The following FHIT variants were observed in gnomAD, a reference collection of about 807,000 sequenced individuals.
FHIT encodes fragile histidine triad diadenosine triphosphatase, also known as bis(5'-adenosyl)-triphosphatase.
Under a neutral mutation model 17.9 loss-of-function variants are expected in FHIT, and 19 were observed. The ratio of observed to expected loss-of-function variants is 1.06; its 90% CI spans 0.74 to 1.56. FHIT has a LOEUF of 1.56. FHIT is among the 40% of genes most tolerant of loss of function. The probability of loss-of-function intolerance (pLI) is 0.00; values close to 1 mark genes in which losing one functional copy is unlikely to be tolerated. For synonymous variants in FHIT, 81 were observed against 69.7 expected (o/e 1.16, Z -0.81); for missense variants, 248 against 189.2 (o/e 1.31, Z -1.82).
intron 6 of FHIT, among the ~76,000 whole-genome samples, chr3:60,013,130 G>A (rs1345800064): frequency 6.6e-6 from 1 of 152,208 alleles, no homozygotes; most frequent in African/African-American, 2.4e-5. Flanking sequence ...AAGAAGATGA[G>A]CACTTTTAGT....
At chr3:60,231,710 G>A (rs940829259) in intron 5 of FHIT, among the ~76,000 whole-genome samples, 1 of 152,152 alleles carries the variant, frequency 6.6e-6, no homozygotes, top group African/African-American at 2.4e-5. Flanking sequence ...AAGCTTATCA[G>A]TAAAGTATTA....
At chr3:61,009,012 T>C (rs953437732) in intron 3 of FHIT, among the ~76,000 whole-genome samples, 1 of 152,184 alleles carries the variant, frequency 6.6e-6, no homozygotes, top group Non-Finnish European at 1.5e-5. Context: ...CTCTGCTTTA[T>C]TATCCTGAAA....
intron 5 of FHIT, among the ~76,000 whole-genome samples, chr3:60,432,026 A>G (rs541261749): frequency 2.0e-5 from 3 of 152,220 alleles, no homozygotes; most frequent in South Asian, 2.1e-4. Context: ...CCCAGGCTAG[A>G]GTGCAGTAGC....
At chr3:60,627,981 A>G (rs1305234722) in intron 4 of FHIT, among the ~76,000 whole-genome samples, 3 of 151,922 alleles carry the variant, frequency 2.0e-5, no homozygotes, top group Admixed American at 1.3e-4. Flanking sequence ...TTCTGTTCCA[A>G]CCTTTATTAT....
chr3:60,643,741 A>C (rs1553686001), intron 4 of FHIT, among the ~76,000 whole-genome samples: 1 of 152,344 alleles, frequency 6.6e-6, no homozygotes, highest in South Asian at 2.1e-4. Context: ...GATCAAGGGT[A>C]GTAGTATCTG....
rs76525121 is a variant in FHIT, at chr3:60,047,144, G to T, written c.104-32992C>A. ...ATACTGCCGTAATGTTCCACAAAAC[G>T]TAACAGTCGGTGCACAGCAATACTG... On this transcript the variant is annotated intron_variant, in intron 5 of 9. Coordinates refer to ENST00000492590, the MANE Select transcript of FHIT (RefSeq NM_002012.4). 2.6e-5 allele frequency among the ~76,000 whole-genome samples: 4 copies of T among 152,172 alleles called. No individual in the cohort carries two copies. The East Asian group carries it at 5.8e-4, about 22-fold the overall frequency.
At chr3:60,933,000 C>T (rs190470969) in intron 3 of FHIT, among the ~76,000 whole-genome samples, 165 of 152,122 alleles carry the variant, frequency 1.1e-3, no homozygotes, top group Non-Finnish European at 1.7e-3. Context: ...TAAGTATGCT[C>T]GTGGAGAATT....
intron 5 of FHIT, among the ~76,000 whole-genome samples, chr3:60,214,583 C>G (rs937337148): frequency 2.0e-5 from 3 of 152,258 alleles, no homozygotes; most frequent in South Asian, 2.1e-4. Flanking sequence ...AATTAGTTCA[C>G]TCACTGTGGA....
intron 5 of FHIT, among the ~76,000 whole-genome samples, chr3:60,282,663 G>T (rs1707516188): frequency 6.6e-6 from 1 of 152,136 alleles, no homozygotes; most frequent in African/African-American, 2.4e-5. Flanking sequence ...GACACTTGGT[G>T]GTGGGGCGGG....
At chr3:60,828,657 C>T (rs1702209260) in intron 3 of FHIT, among the ~76,000 whole-genome samples, 1 of 151,884 alleles carries the variant, frequency 6.6e-6, no homozygotes, top group Admixed American at 6.6e-5. Context: ...GTGAGTTGAT[C>T]ACCTGAGGTC....
intron 4 of FHIT, among the ~76,000 whole-genome samples, chr3:60,714,967 G>T (rs561919974): frequency 6.6e-6 from 1 of 151,946 alleles, no homozygotes; most frequent in Non-Finnish European, 1.5e-5. Flanking sequence ...AAAAGAGCCC[G>T]CATCGCCAAG....
chr3:60,807,514 G>A (rs1243882611), intron 4 of FHIT, among the ~76,000 whole-genome samples: 1 of 152,176 alleles, frequency 6.6e-6, no homozygotes, highest in Non-Finnish European at 1.5e-5. Flanking sequence ...CCAGAGCCCG[G>A]GAGGTAGAGG....
intron 5 of FHIT, among the ~76,000 whole-genome samples, chr3:60,103,937 C>T (rs911893670): frequency 1.3e-5 from 2 of 152,140 alleles, no homozygotes; most frequent in African/African-American, 4.8e-5. Context: ...GAAAGCTTAT[C>T]TGCTTTCCCT....
intron 4 of FHIT, among the ~76,000 whole-genome samples, chr3:60,718,169 T>C (rs2041729482): frequency 1.3e-5 from 2 of 151,156 alleles, no homozygotes. Context: ...AAAGGTTTTA[T>C]CTTATGCAAG....
intron 5 of FHIT, among the ~76,000 whole-genome samples, chr3:60,141,121 C>A (rs1198283747): frequency 6.6e-6 from 1 of 152,132 alleles, no homozygotes; most frequent in Non-Finnish European, 1.5e-5. Context: ...CAGTCATCTA[C>A]TGTGCAGCCA....
At chr3:60,066,815 C>G (rs964300677) in intron 5 of FHIT, among the ~76,000 whole-genome samples, 16 of 151,814 alleles carry the variant, frequency 1.1e-4, no homozygotes, top group African/African-American at 3.9e-4. Context: ...CACCACCATG[C>G]CCGGCTAATT....
At chr3:60,423,449 A>G (rs1474819632) in intron 5 of FHIT, among the ~76,000 whole-genome samples, 1 of 152,182 alleles carries the variant, frequency 6.6e-6, no homozygotes, top group East Asian at 1.9e-4. Flanking sequence ...AAGCATGCTT[A>G]TATAATTATC....
chr3:59,800,676 G>A (rs1401117124), intron 8 of FHIT, among the ~76,000 whole-genome samples: 2 of 152,192 alleles, frequency 1.3e-5, no homozygotes, highest in Non-Finnish European at 2.9e-5. Context: ...CACTGGTGAA[G>A]ACAGATGTCA....
intron 8 of FHIT, among the ~76,000 whole-genome samples, chr3:59,896,167 C>T (rs1380473981): frequency 1.3e-5 from 2 of 152,194 alleles, no homozygotes; most frequent in Admixed American, 6.5e-5. Flanking sequence ...GGAGTGTCAG[C>T]TTCATGAAAA....
Sources: allele counts gnomAD v4.1 joint callset (sites outside exome capture counted in the v4.1 genomes callset), GRCh38; gene constraint gnomAD v4.1.1; transcripts MANE v1.5; gene names NCBI Gene and HGNC (gene_info 2026-07-23, HGNC 2026-07-21).